Variants in PTPRD observed in about 807,000 individuals in gnomAD.
PTPRD encodes receptor-type tyrosine-protein phosphatase delta.
A neutral mutation model predicts 214.5 loss-of-function variants in PTPRD; 34 were observed. That is an observed-to-expected ratio of 0.16 (90% CI 0.12 to 0.21). PTPRD has a LOEUF of 0.21. Ranked by LOEUF, PTPRD falls within the 10% of genes least tolerant of loss-of-function variation. PTPRD has a pLI of 1.00. For synonymous variants in PTPRD, 1,128 were observed against 845.7 expected (o/e 1.33, Z -5.79); for missense variants, 2,545 against 2,398.7 (o/e 1.06, Z -1.27).
Position 9,845,185 on chromosome 9 carries a change from TCTATATATATA to T in PTPRD, c.-367-78345_-367-78335del, listed in dbSNP as rs1174825886. ...AGAGCAATATATATATATATATTGCTCTATATATATAGCTATATATATACTGCTATATATAT... is the reference window on the plus strand; with the variant it reads ...AGAGCAATATATATATATATATTGCTGCTATATATATACTGCTATATATAT... On this transcript the variant is annotated intron_variant, in intron 5 of 45. Coordinates refer to ENST00000381196, the MANE Select transcript of PTPRD (RefSeq NM_002839.4). Among the ~76,000 whole-genome samples the T allele has an allele frequency of 4.3e-3, 423 of 98,330 alleles. 10 individuals are homozygous for T. Among genetic ancestry groups the T allele is most frequent in the African/African-American group, 0.016 (399 of 25,492 alleles). 64.5% of individuals were successfully genotyped at this position (98,330 alleles called of 152,430 possible).
chr9:8,402,091 T>C (rs1397117565), intron 36 of PTPRD, among the ~76,000 whole-genome samples: 1 of 152,208 alleles, frequency 6.6e-6, no homozygotes, highest in Non-Finnish European at 1.5e-5. Context: ...GAATACCTGC[T>C]GGTTAGCGCT....
chr9:10,544,572 C>A (rs1342148975), intron 2 of PTPRD, among the ~76,000 whole-genome samples: 1 of 152,112 alleles, frequency 6.6e-6, no homozygotes, highest in East Asian at 1.9e-4. Context: ...AGAATTATCA[C>A]CCATCATTTG....
chr9:9,445,633 C>G (rs2090129665), intron 8 of PTPRD, among the ~76,000 whole-genome samples: 1 of 152,106 alleles, frequency 6.6e-6, no homozygotes, highest in Admixed American at 6.6e-5. Context: ...ATCCTCTTAT[C>G]AAATCATCAG....
chr9:8,649,132 T>C (rs1426709025), intron 12 of PTPRD, among the ~76,000 whole-genome samples: 10 of 152,202 alleles, frequency 6.6e-5, no homozygotes, highest in Admixed American at 6.5e-4. Context: ...CTCCAGAATA[T>C]CCTGCCACTT....
At chr9:9,567,352 T>C (rs554059760) in intron 8 of PTPRD, among the ~76,000 whole-genome samples, 2 of 152,066 alleles carry the variant, frequency 1.3e-5, no homozygotes, top group African/African-American at 4.8e-5. Flanking sequence ...TATGCCGGTC[T>C]CATGGATGGT....
At position 9,008,112 on chromosome 9, in the gene PTPRD, T is replaced by G. The variant is rs114079692; in HGVS notation, c.-104+10585A>C. Among the ~76,000 whole-genome samples, 389 of 148,984 alleles carry G rather than the reference T, an allele frequency of 2.6e-3. 3 individuals carry two copies. The highest frequency in any genetic ancestry group is 9.2e-3 in the African/African-American group (378 of 41,036). ...GACAAGATGGCGGCTTTTCATGTTT[T>G]TAACTTTTAGGATGTTTACTTATCC... is the stretch of plus-strand genomic sequence containing the variant. On this transcript the variant is annotated intron_variant, in intron 11 of 45. Coordinates refer to ENST00000381196, the MANE Select transcript of PTPRD (RefSeq NM_002839.4).
At chr9:8,934,763 C>T (rs1010089915) in intron 11 of PTPRD, among the ~76,000 whole-genome samples, 2 of 150,998 alleles carry the variant, frequency 1.3e-5, no homozygotes, top group Non-Finnish European at 2.9e-5. Flanking sequence ...CTAACATCTC[C>T]CTGTCTCTCC....
chr9:10,484,588 G>T (rs1324207729), intron 2 of PTPRD, among the ~76,000 whole-genome samples: 2 of 152,104 alleles, frequency 1.3e-5, no homozygotes, highest in East Asian at 1.9e-4. Flanking sequence ...TTTTAACTGG[G>T]ATAAGATGAT....
intron 39 of PTPRD, among the ~76,000 whole-genome samples, chr9:8,358,536 CCT>C (rs1420138175): frequency 1.3e-5 from 2 of 152,054 alleles, no homozygotes; most frequent in Non-Finnish European, 2.9e-5. Context: ...TCTTCCAGAG[CCT>C]CTGTTTTCTC....
At chr9:9,962,225 C>A (rs1478556415) in intron 4 of PTPRD, among the ~76,000 whole-genome samples, 1 of 151,920 alleles carries the variant, frequency 6.6e-6, no homozygotes, top group Non-Finnish European at 1.5e-5. Context: ...TATGACTGGT[C>A]AAGTTATCCT....
intron 5 of PTPRD, among the ~76,000 whole-genome samples, chr9:9,826,044 T>C (rs958666677): frequency 5.9e-5 from 9 of 151,926 alleles, no homozygotes; most frequent in African/African-American, 1.9e-4. Flanking sequence ...AATTTTGAGT[T>C]ATCTGTTCTG....
chr9:9,557,059 C>T (rs945351693), intron 8 of PTPRD, among the ~76,000 whole-genome samples: 1 of 152,118 alleles, frequency 6.6e-6, no homozygotes, highest in African/African-American at 2.4e-5. Flanking sequence ...TGAGAGATAA[C>T]GTCCATCAAT....
intron 4 of PTPRD, among the ~76,000 whole-genome samples, chr9:10,004,758 C>T (rs1024644865): frequency 6.6e-6 from 1 of 151,964 alleles, no homozygotes; most frequent in Non-Finnish European, 1.5e-5. Flanking sequence ...CCAAGTACAA[C>T]CTTTCAGTAA....
chr9:9,139,963 G>A (rs2099857281), intron 10 of PTPRD, among the ~76,000 whole-genome samples: 1 of 152,080 alleles, frequency 6.6e-6, no homozygotes, highest in African/African-American at 2.4e-5. Context: ...ATTCATTACG[G>A]AAATGGTGGG....
At chr9:8,400,929 GAT>G (rs2092291630) in intron 36 of PTPRD, among the ~76,000 whole-genome samples, 1 of 152,110 alleles carries the variant, frequency 6.6e-6, no homozygotes, top group South Asian at 2.1e-4. Flanking sequence ...TAAGAAAACT[GAT>G]ATTCAGAGAA....
At chr9:10,230,853 G>A (rs1254470811) in intron 3 of PTPRD, among the ~76,000 whole-genome samples, 1 of 152,010 alleles carries the variant, frequency 6.6e-6, no homozygotes, top group Admixed American at 6.6e-5. Flanking sequence ...TGTGGAAGGA[G>A]CACTGTCCAG....
chr9:9,603,729 GAA>G (rs1246127617), intron 7 of PTPRD, among the ~76,000 whole-genome samples: 2 of 152,178 alleles, frequency 1.3e-5, no homozygotes, highest in Non-Finnish European at 2.9e-5. Context: ...ACCATGTGTG[GAA>G]AAGTTGCCTT....
intron 32 of PTPRD, among the ~76,000 whole-genome samples, chr9:8,463,937 A>G (rs2096485045): frequency 6.6e-6 from 1 of 152,030 alleles, no homozygotes; most frequent in South Asian, 2.1e-4. Context: ...TTTATGATAT[A>G]TAAAGAAAAT....
intron 5 of PTPRD, among the ~76,000 whole-genome samples, chr9:9,888,884 C>G (rs1034227320): frequency 1.3e-5 from 2 of 152,108 alleles, no homozygotes; most frequent in Non-Finnish European, 2.9e-5. Context: ...TGTTAGATCA[C>G]CTATTGCAGT....
Sources: gnomAD v4.1 joint callset for allele counts (sites outside exome capture counted in the v4.1 genomes callset) on GRCh38, gnomAD v4.1.1 for gene constraint, MANE v1.5 for transcripts, NCBI Gene and HGNC (gene_info 2026-07-23, HGNC 2026-07-21) for gene names.